Variants in TGFBR2 observed in about 807,000 individuals in gnomAD.
TGFBR2 encodes TGF-beta receptor type-2.
Under a neutral mutation model 49.0 loss-of-function variants are expected in TGFBR2, and 18 were observed. The observed-to-expected ratio is 0.37, with a 90% CI of 0.25 to 0.54. TGFBR2 has a LOEUF of 0.54. Ranked by LOEUF, TGFBR2 falls within the 20% of genes least tolerant of loss-of-function variation. The probability of loss-of-function intolerance (pLI) is 0.85; values close to 1 mark genes in which losing one functional copy is unlikely to be tolerated. For synonymous variants in TGFBR2, 282 were observed against 275.9 expected, an observed-to-expected ratio of 1.02 and a Z score of -0.22; for missense variants, 525 against 722.6, an observed-to-expected ratio of 0.73 and a Z score of 3.13.
intron 5 of TGFBR2, among the ~76,000 whole-genome samples, chr3:30,685,725 A>G (rs1699609620): frequency 6.6e-6 from 1 of 152,036 alleles, no homozygotes; most frequent in Non-Finnish European, 1.5e-5. Flanking sequence ...AGGATAGGCA[A>G]CTCCCATTGG....
chr3:30,666,437 T>G (rs1041213087), intron 3 of TGFBR2, among the ~76,000 whole-genome samples: 1 of 152,192 alleles, frequency 6.6e-6, no homozygotes, highest in Non-Finnish European at 1.5e-5. Flanking sequence ...ACTACTAAAC[T>G]GTGGTTCTTA....
intron 1 of TGFBR2, among the ~76,000 whole-genome samples, chr3:30,631,014 C>G (rs75727829): frequency 0.049 from 7,221 of 147,402 alleles, 346 homozygotes; most frequent in East Asian, 0.26. Flanking sequence ...AGTGGGATTG[C>G]TAGGACTTGG....
At chr3:30,629,469 C>G (rs1395268854) in intron 1 of TGFBR2, among the ~76,000 whole-genome samples, 4 of 152,224 alleles carry the variant, frequency 2.6e-5, no homozygotes, top group Non-Finnish European at 5.9e-5. Context: ...AGGCCTTGAG[C>G]TTAAAACTCT....
chr3:30,691,409 T>TC lies in TGFBR2; in HGVS notation c.1525-8dup. The TC allele has an allele frequency of 6.2e-7, 1 of 1,613,854 alleles. No individual in the cohort carries two copies. The highest frequency in any genetic ancestry group is 8.5e-7 in the Non-Finnish European group (1 of 1,179,836). ...ACTCATGGTGCCCTTTGGATCTCTT[T>TC]CCCGCTACAGGGCATCCAGATGGTG... is the stretch of plus-strand genomic sequence containing the variant. On this transcript the variant is annotated splice_polypyrimidine_tract_variant and intron_variant, in intron 6 of 6. Coordinates refer to ENST00000295754, the MANE Select transcript of TGFBR2 (RefSeq NM_003242.6).
Position 30,691,511 on chromosome 3 carries a change from G to T in TGFBR2, c.1616G>T (p.Ser539Ile), listed in dbSNP as rs1035228561. 1.5e-5 allele frequency: 24 copies of T among 1,614,068 alleles called. No homozygotes were observed. In the Admixed American group the frequency reaches 3.8e-4, roughly 26 times the overall value. ...LTAQCVAERF[S>I]ELEHLDRLSG... is the part of the protein sequence containing the mutation. ...GCCCAGTGTGTGGCAGAACGCTTCA[G>T]TGAGCTGGAGCATCTGGACAGGCTC... Residue 539 changes from serine (S) to isoleucine (I), a missense_variant, in exon 7 of 7, where the codon AGT becomes ATT. Transcript: ENST00000295754.
intron 3 of TGFBR2, among the ~76,000 whole-genome samples, chr3:30,666,689 T>A (rs1480602904): frequency 8.0e-6 from 1 of 124,764 alleles, no homozygotes; most frequent in African/African-American, 3.1e-5. Context: ...CAGGCTGGAA[T>A]GCAGTGGCAG....
At chr3:30,674,376 C>A (rs760852648) in intron 5 of TGFBR2, 130 bp downstream of exon 5, 146 of 1,252,454 alleles carry the variant, frequency 1.2e-4, no homozygotes, top group Non-Finnish European at 1.6e-4. Context: ...TATTATACAA[C>A]CATCCCAGAA....
In TGFBR2 at chr3:30,656,867, C is replaced by T. The variant is rs1242517234; in HGVS notation, c.454+6407C>T. On this transcript the variant is annotated intron_variant, in intron 3 of 6. Coordinates refer to ENST00000295754, the MANE Select transcript of TGFBR2 (RefSeq NM_003242.6). The stretch of plus-strand genomic sequence containing the variant: ...AATGTAGGCAAGGTGGTGGCAAGCC[C>T]ATGGCCTAGGCTGTGGGAACTCATA... 3.3e-5 allele frequency among the ~76,000 whole-genome samples: 5 copies of T among 152,316 alleles called. No individual in the cohort carries two copies. In the East Asian group the frequency reaches 9.6e-4, roughly 29 times the overall value.
At chr3:30,644,718 T>C (rs1204184779) in intron 1 of TGFBR2, 29 bp from the exon 2 acceptor site, 1 of 1,610,100 alleles carries the variant, frequency 6.2e-7, no homozygotes. Context: ...AGTTGGATAA[T>C]CATTTAATAT....
At chr3:30,673,145 A>G (rs1699373194) in intron 4 of TGFBR2, among the ~76,000 whole-genome samples, 3 of 152,218 alleles carry the variant, frequency 2.0e-5, no homozygotes. Context: ...GCACTCGGTT[A>G]CTGCTCAGTC....
intron 2 of TGFBR2, 51 bp from the exon 3 acceptor site, chr3:30,650,219 T>C (rs2125409625): frequency 6.4e-7 from 1 of 1,571,374 alleles, no homozygotes; most frequent in Non-Finnish European, 8.8e-7. Context: ...TCATTTATTC[T>C]CTTTCTCTCT....
intron 1 of TGFBR2, among the ~76,000 whole-genome samples, chr3:30,618,332 C>T (rs925005808): frequency 6.0e-5 from 9 of 150,784 alleles, no homozygotes; most frequent in African/African-American, 2.0e-4. Flanking sequence ...TGGGTTCAAG[C>T]GATTCTCCTG....
intron 1 of TGFBR2, among the ~76,000 whole-genome samples, chr3:30,639,743 G>A (rs2125400309): frequency 6.6e-6 from 1 of 152,178 alleles, no homozygotes; most frequent in East Asian, 1.9e-4. Flanking sequence ...ATAAATTTCT[G>A]AGTTTCCCCC....
intron 1 of TGFBR2, among the ~76,000 whole-genome samples, chr3:30,614,188 C>T (rs1195606117): frequency 2.1e-5 from 3 of 142,146 alleles, no homozygotes; most frequent in Admixed American, 7.3e-5. Context: ...GACCACCAGG[C>T]GGGCAAGGTG....
chr3:30,666,191 T>C (rs916175941), intron 3 of TGFBR2, among the ~76,000 whole-genome samples: 2 of 152,170 alleles, frequency 1.3e-5, no homozygotes, highest in Non-Finnish European at 2.9e-5. Flanking sequence ...TATAGCCTCA[T>C]TTTTTTATGG....
intron 1 of TGFBR2, among the ~76,000 whole-genome samples, chr3:30,641,342 T>C (rs1467848996): frequency 6.6e-6 from 1 of 152,172 alleles, no homozygotes; most frequent in Non-Finnish European, 1.5e-5. Context: ...ACATATGGTA[T>C]GCATAAAAGG....
intron 5 of TGFBR2, among the ~76,000 whole-genome samples, chr3:30,681,662 G>A (rs941319770): frequency 3.3e-5 from 5 of 152,112 alleles, no homozygotes; most frequent in Non-Finnish European, 7.3e-5. Flanking sequence ...AAATAAAGAG[G>A]TTTTTTAGAA....
At chr3:30,679,502 G>A (rs1043420754) in intron 5 of TGFBR2, among the ~76,000 whole-genome samples, 1 of 152,180 alleles carries the variant, frequency 6.6e-6, no homozygotes, top group Non-Finnish European at 1.5e-5. Context: ...TCCACCAGGG[G>A]CCTCGGGAGA....
At position 30,625,763 on chromosome 3, in the gene TGFBR2, C is replaced by T. The variant is rs193241630; in HGVS notation, c.94+18786C>T. On this transcript the variant is annotated intron_variant, in intron 1 of 6. Transcript: ENST00000295754. Reference sequence around the variant, plus strand: ...ATTAATTGGGTTGGGCTTGATTGTACATGTATATGTATATAATAATGTTCT... The same window carrying T: ...ATTAATTGGGTTGGGCTTGATTGTATATGTATATGTATATAATAATGTTCT... 1.8e-4 allele frequency among the ~76,000 whole-genome samples: 27 copies of T among 152,274 alleles called. No individual in the cohort carries two copies. In the East Asian group the frequency reaches 5.2e-3, roughly 29 times the overall value.
Sources: allele counts gnomAD v4.1 joint callset (sites outside exome capture counted in the v4.1 genomes callset), GRCh38; gene constraint gnomAD v4.1.1; transcripts MANE v1.5; gene names NCBI Gene and HGNC (gene_info 2026-07-23, HGNC 2026-07-21).